Variants in WDR1 observed in about 807,000 individuals in gnomAD.
WDR1 encodes the protein WD repeat-containing protein 1.
A neutral mutation model predicts 71.9 loss-of-function variants in WDR1; 21 were observed. The observed-to-expected ratio is 0.29, with a 90% confidence interval of 0.21 to 0.42. The LOEUF (loss-of-function observed/expected upper bound fraction) is 0.42. WDR1 is among the 10% of genes least tolerant of loss of function. The probability of loss-of-function intolerance (pLI) is 1.00; values close to 1 mark genes in which losing one functional copy is unlikely to be tolerated. For synonymous variants in WDR1, 424 were observed against 347.4 expected (o/e 1.22, Z -2.45); for missense variants, 696 against 824.5 (o/e 0.84, Z 1.91).
At chr4:10,099,259 C>A (rs926897685) in intron 3 of WDR1, 120 bp from the exon 4 acceptor site, 4 of 804,788 alleles carry the variant, frequency 5.0e-6, no homozygotes, top group African/African-American at 3.4e-5. Flanking sequence ...AGAACCATGT[C>A]TGGTTGCTTA....
Position 10,077,377 on chromosome 4 carries a change from A to G in WDR1, c.1641T>C (p.Phe547=), listed in dbSNP as rs1291129531. The stretch of plus-strand genomic sequence containing the variant: ...CCATCATGTCCATGCCACCGGAGGC[A>G]AAGTGTTCATTGTCTGGGGACCAGG... ...CLAWSPDNEH[F]ASGGMDMMVY... The change falls in exon 14 of 15, where the codon TTT becomes TTC. Residue 547 remains phenylalanine, a synonymous_variant. Transcript: ENST00000499869. 1.7e-5 allele frequency: 28 copies of G among 1,613,900 alleles called. No individual in the cohort carries two copies. The highest frequency in any genetic ancestry group is 1.9e-5 in the Non-Finnish European group (23 of 1,179,888).
intron 9 of WDR1, chr4:10,083,650 C>A: frequency 2.1e-6 from 1 of 480,404 alleles, no homozygotes. Flanking sequence ...CAACACAGCA[C>A]GGTGCTCAGG....
At chr4:10,113,119 C>T (rs1443405341) in intron 2 of WDR1, among the ~76,000 whole-genome samples, 1 of 152,266 alleles carries the variant, frequency 6.6e-6, no homozygotes, top group Non-Finnish European at 1.5e-5. Flanking sequence ...CTTTGGGAGG[C>T]CAAGGCGAGC....
intron 5 of WDR1, among the ~76,000 whole-genome samples, chr4:10,095,430 G>A (rs930801221): frequency 3.3e-5 from 5 of 152,186 alleles, no homozygotes; most frequent in African/African-American, 7.2e-5. Context: ...GAAGCCCAGC[G>A]ATGCTCAGCC....
At chr4:10,109,275 G>C (rs919714996) in intron 2 of WDR1, among the ~76,000 whole-genome samples, 2 of 152,262 alleles carry the variant, frequency 1.3e-5, no homozygotes, top group African/African-American at 4.8e-5. Flanking sequence ...CCTGGGTTAT[G>C]AGCATATAAC....
intron 5 of WDR1, among the ~76,000 whole-genome samples, chr4:10,089,409 A>T (rs143587227): frequency 7.0e-4 from 106 of 152,278 alleles, no homozygotes; most frequent in Middle Eastern, 6.8e-3. Flanking sequence ...CCTGGCCAAT[A>T]ATTAACTTTT....
chr4:10,090,588 G>A (rs1012894370), intron 5 of WDR1, among the ~76,000 whole-genome samples: 10 of 152,284 alleles, frequency 6.6e-5, no homozygotes, highest in Admixed American at 2.6e-4. Flanking sequence ...ATTTCCTCCA[G>A]CCAACAACCC....
chr4:10,078,758 C>G, intron 12 of WDR1, 133 bp downstream of exon 12: 2 of 720,206 alleles, frequency 2.8e-6, no homozygotes, highest in South Asian at 3.9e-5. Context: ...AGGTCCCACG[C>G]CCCGACTGCC....
At chr4:10,113,180 G>A (rs1283568911) in intron 2 of WDR1, among the ~76,000 whole-genome samples, 1 of 152,154 alleles carries the variant, frequency 6.6e-6, no homozygotes, top group African/African-American at 2.4e-5. Flanking sequence ...CCAACACGGC[G>A]AAACCCCGTT....
At chr4:10,101,342 G>A (rs940469671) in intron 3 of WDR1, among the ~76,000 whole-genome samples, 2 of 152,238 alleles carry the variant, frequency 1.3e-5, no homozygotes, top group African/African-American at 2.4e-5. Context: ...GGGGCCAGCT[G>A]CCAGGCAACC....
Position 10,116,785 on chromosome 4 carries a change from T to C in WDR1, c.-119A>G. The C allele has an allele frequency of 1.7e-6, 2 of 1,177,460 alleles. No individual in the cohort carries two copies. The highest frequency in any genetic ancestry group is 6.1e-5 in the South Asian group (2 of 33,032). The allele number at this position is 1,177,460 out of a possible 1,614,324, so 72.9% of individuals were successfully genotyped here. On this transcript the variant is annotated 5_prime_UTR_variant, in exon 1 of 15. Transcript: ENST00000499869. ...TGGAGCCGGAAGGCGGCACCGGGCG[T>C]GCCGGGAGTGGAGTGGGCGGTCCGA...
chr4:10,089,398 G>A (rs1211075472), intron 5 of WDR1, among the ~76,000 whole-genome samples: 2 of 152,136 alleles, frequency 1.3e-5, no homozygotes, highest in Non-Finnish European at 2.9e-5. Context: ...AAGTCACTGC[G>A]CCTGGCCAAT....
At chr4:10,111,723 C>G (rs1713376659) in intron 2 of WDR1, among the ~76,000 whole-genome samples, 1 of 152,112 alleles carries the variant, frequency 6.6e-6, no homozygotes. Context: ...CCGCAGGAAA[C>G]ACAGGTGAGT....
intron 5 of WDR1, chr4:10,094,673 G>A (rs1266979835): frequency 6.6e-6 from 1 of 152,186 alleles, no homozygotes; most frequent in Admixed American, 6.5e-5. Flanking sequence ...TACTTCCGCA[G>A]GTCACCTACC....
chr4:10,089,755 A>G (rs2109660726), intron 5 of WDR1, among the ~76,000 whole-genome samples: 1 of 152,358 alleles, frequency 6.6e-6, no homozygotes, highest in South Asian at 2.1e-4. Flanking sequence ...AAGGCGGATA[A>G]GCTGCCCCGC....
rs528261222 is a variant in WDR1 at position 10,076,968 on chromosome 4, C to A, written c.1714+336G>T. The A allele has an allele frequency of 2.0e-5, 6 of 293,170 alleles. No individual in the cohort carries two copies. In the South Asian group the frequency reaches 3.3e-4, roughly 16 times the overall value. The allele number at this position is 293,170 out of a possible 1,614,324, so 18.2% of individuals were successfully genotyped here. A position where few individuals can be genotyped will look rare whatever the true frequency, so the allele number is the denominator to read the frequency against. ...AAATTTCAACGCCACATGAGGCTCA[C>A]ATTATACACTGGACGTGGCTGTCTT... On this transcript the variant is annotated intron_variant, in intron 14 of 14. Coordinates refer to ENST00000499869, the MANE Select transcript of WDR1 (RefSeq NM_017491.5).
chr4:10,116,654 T>A lies in WDR1; in HGVS notation c.13A>T (p.Ile5Phe). ...GGCCCCGCGCCGCGGCACTTACTGA[T>A]CTCGTACGGCATCCTCGCCCACTTG... Reference protein sequence around the residue: MPYEIKKVFASLPQV... With the variant: MPYEFKKVFASLPQV... Residue 5 changes from isoleucine to phenylalanine, a missense_variant, in exon 1 of 15, where the codon ATC (isoleucine) becomes TTC (phenylalanine). Transcript: ENST00000499869. The A allele has an allele frequency of 1.5e-6, 2 of 1,333,976 alleles. No individual in the cohort carries two copies. Among genetic ancestry groups the A allele is most frequent in the Non-Finnish European group, 1.9e-6 (2 of 1,034,834 alleles). 82.6% of individuals were successfully genotyped at this position (1,333,976 alleles called of 1,614,324 possible).
intron 7 of WDR1, 135 bp from the exon 8 acceptor site, chr4:10,088,075 C>A (rs1014690102): frequency 1.4e-5 from 13 of 935,986 alleles, no homozygotes; most frequent in Non-Finnish European, 1.9e-5. Flanking sequence ...ATGAGTGAGG[C>A]CAAGGACAAC....
rs773467655 is a variant in WDR1 at position 10,088,758 on chromosome 4, AC to A, written c.559-18del. ...GCTGTGGTCCTGCAGGAAAACAATT[AC>A]CTGCCTGATGAGGGGCCGCAGGCCT... On this transcript the variant is annotated intron_variant, in intron 5 of 14. Coordinates refer to ENST00000499869, the MANE Select transcript of WDR1 (RefSeq NM_017491.5). 1 of 1,575,632 alleles carries A rather than the reference AC, an allele frequency of 6.3e-7. No homozygotes were observed.
Sources: gnomAD v4.1 joint callset for allele counts (sites outside exome capture counted in the v4.1 genomes callset) on GRCh38, gnomAD v4.1.1 for gene constraint, MANE v1.5 for transcripts, NCBI Gene and HGNC (gene_info 2026-07-23, HGNC 2026-07-21) for gene names.